Variants in TNRC6A observed in about 807,000 individuals in gnomAD.
TNRC6A encodes trinucleotide repeat containing adaptor 6A.
In TNRC6A, 44 loss-of-function variants were observed where a neutral mutation model predicts 221.2. The observed-to-expected ratio is 0.20, with a 90% CI of 0.16 to 0.26. TNRC6A has a LOEUF of 0.26. Among genes scored for constraint, TNRC6A ranks in the 10% least tolerant of loss-of-function variants. The pLI is 1.00. For missense variants in TNRC6A, 2,199 were observed against 2,404.4 expected (o/e 0.91, Z 1.79); for synonymous variants, 847 against 838.5 (o/e 1.01, Z -0.18).
At position 24,706,576 on chromosome 16, in the gene TNRC6A, C is replaced by T. The variant is rs368097511; in HGVS notation, n.403-44150C>T. On this transcript the variant is annotated intron_variant and non_coding_transcript_variant, in intron 2 of 2. Coordinates refer to the TNRC6A transcript ENST00000566108. The stretch of plus-strand genomic sequence containing the variant: ...AATACAAAAAATAAAATTAGCCGGG[C>T]GTAGTGGCGGGCGCCTGAAGCAGGA... 1.1e-4 allele frequency among the ~76,000 whole-genome samples: 16 copies of T among 150,862 alleles called. No homozygotes were observed. In the East Asian group the frequency reaches 2.7e-3, roughly 26 times the overall value.
At chr16:24,688,149 C>G (rs924549895) in intron 2 of TNRC6A, among the ~76,000 whole-genome samples, 1 of 151,456 alleles carries the variant, frequency 6.6e-6, no homozygotes, top group South Asian at 2.1e-4. Flanking sequence ...CCATGTTAGC[C>G]GGGATGGTCT....
intron 2 of TNRC6A, among the ~76,000 whole-genome samples, chr16:24,748,906 GCT>G (rs994345638): frequency 3.3e-5 from 5 of 151,870 alleles, no homozygotes; most frequent in African/African-American, 1.2e-4. Flanking sequence ...ACAGAGTCTT[GCT>G]CTGTCGCCCA....
At chr16:24,760,781 A>G (rs1209382179) in intron 4 of TNRC6A, among the ~76,000 whole-genome samples, 1 of 152,200 alleles carries the variant, frequency 6.6e-6, no homozygotes, top group Non-Finnish European at 1.5e-5. Flanking sequence ...GAAAGATAGT[A>G]CAGAGACTTC....
intron 11 of TNRC6A, among the ~76,000 whole-genome samples, chr16:24,801,632 T>C (rs1457340571): frequency 6.6e-6 from 1 of 151,332 alleles, no homozygotes; most frequent in Non-Finnish European, 1.5e-5. Context: ...TTCAAGCGAT[T>C]CTCCTGCCTC....
Position 24,789,406 on chromosome 16 carries a change from A to T in TNRC6A, c.764A>T (p.Asp255Val), listed in dbSNP as rs369202043. Residue 255 changes from aspartate to valine, a missense_variant, in exon 6 of 25, where the codon GAT becomes GTT. Asp to Val is a radical substitution (Grantham distance 152). This residue lies in a region of TNRC6A where 1,405 missense variants were observed against 1,400.2 expected (regional missense o/e 1.00). Transcript: ENST00000395799. ...SDPELASECM[D>V]ADSASSSESE... is the part of the protein sequence containing the mutation. ...CCGGAGTTGGCTTCAGAATGTATGG[A>T]TGCTGATTCTGCCTCCAGTTCTGAA... 7.4e-6 allele frequency: 12 copies of T among 1,614,240 alleles called. No individual in the cohort carries two copies. The African/African-American group carries it at 1.5e-4, about 20-fold the overall frequency.
intron 3 of TNRC6A, among the ~76,000 whole-genome samples, chr16:24,757,769 A>C (rs2057283455): frequency 6.6e-6 from 1 of 152,198 alleles, no homozygotes. Context: ...AGAAGTGATA[A>C]ATCAGTTTGA....
At chr16:24,618,699 G>A (rs926948013) in intron 1 of TNRC6A, among the ~76,000 whole-genome samples, 1 of 138,318 alleles carries the variant, frequency 7.2e-6, no homozygotes, top group Admixed American at 7.9e-5. Context: ...CATCCCGGCT[G>A]GAGTACACTG....
Position 24,751,057 on chromosome 16 carries a change from CA to C in TNRC6A, c.141+247del, listed in dbSNP as rs112670234. On this transcript the variant is annotated intron_variant, in intron 3 of 24. Coordinates refer to ENST00000395799, the MANE Select transcript of TNRC6A (RefSeq NM_014494.4). ...GTACATTTTATGGATCTTTATCTTT[CA>C]AATAGCTGTTCCTAGGTGTTTCATA... 7.9e-5 allele frequency among the ~76,000 whole-genome samples: 12 copies of C among 152,194 alleles called. 1 individual carries two copies. The highest frequency in any genetic ancestry group is 2.6e-4 in the African/African-American group (11 of 41,542).
upstream of TNRC6A, among the ~76,000 whole-genome samples, chr16:24,726,017 ATCTG>A (rs956022290): frequency 1.3e-5 from 2 of 151,710 alleles, no homozygotes; most frequent in South Asian, 2.1e-4. Flanking sequence ...AAAAAAACAA[ATCTG>A]TCTGCCTTGC....
chr16:24,794,482 T>C (rs187552540), intron 7 of TNRC6A, 62 bp from the exon 8 acceptor site: 30 of 1,539,170 alleles, frequency 1.9e-5, no homozygotes, highest in Admixed American at 1.2e-4. Flanking sequence ...TATATACTTA[T>C]TCTCCAGAAG....
At chr16:24,727,752 T>A (rs895443580), upstream of TNRC6A, among the ~76,000 whole-genome samples, 2 of 152,222 alleles carry the variant, frequency 1.3e-5, no homozygotes, top group Non-Finnish European at 2.9e-5. Flanking sequence ...TATGTTCATA[T>A]TTTTAAACTC....
rs1168977139 is a variant in TNRC6A at position 24,823,627 on chromosome 16, T to C, written c.5709T>C (p.Ala1903=). The C allele has an allele frequency of 1.2e-6, 2 of 1,614,000 alleles. No homozygotes were observed. Among genetic ancestry groups the C allele is most frequent in the East Asian group, 2.2e-5 (1 of 44,868 alleles). ...CCGATCTCAATCACTGGAATGGTGCTGGGCTGTCGGGAACTAACTGTGGAG... is the reference window on the plus strand; with the variant it reads ...CCGATCTCAATCACTGGAATGGTGCCGGGCTGTCGGGAACTAACTGTGGAG... ...SRTDLNHWNG[A]GLSGTNCGDL... Residue 1903 remains alanine, a synonymous_variant, in exon 25 of 25, where the codon GCT becomes GCC. Coordinates refer to ENST00000395799, the MANE Select transcript of TNRC6A (RefSeq NM_014494.4). This position sits in a 1 kb window ranked among gnomAD's most constrained non-coding sequence, Gnocchi z 4.3.
intron 2 of TNRC6A, among the ~76,000 whole-genome samples, chr16:24,666,489 A>AAT: frequency 6.7e-6 from 1 of 148,194 alleles, no homozygotes; most frequent in South Asian, 2.2e-4. Context: ...AAAAAAAAAA[A>AAT]ATTAGATGGG....
intron 2 of TNRC6A, among the ~76,000 whole-genome samples, chr16:24,732,572 A>G (rs144587376): frequency 6.6e-6 from 1 of 152,216 alleles, no homozygotes; most frequent in Non-Finnish European, 1.5e-5. Flanking sequence ...AGACCATATC[A>G]CTGGTAATTG....
At position 24,805,650 on chromosome 16, in the gene TNRC6A, A is replaced by C. The variant is rs2058415846; in HGVS notation, c.4168A>C (p.Asn1390His). The C allele has an allele frequency of 6.2e-7, 1 of 1,614,104 alleles. No individual in the cohort carries two copies. Among genetic ancestry groups the C allele is most frequent in the South Asian group, 1.1e-5 (1 of 91,090 alleles). The change falls in exon 15 of 25, where the codon AAT (asparagine) becomes CAT (histidine). Residue 1390 changes from asparagine (N) to histidine (H), a missense_variant. Physicochemically the swap from Asn to His is moderately conservative, Grantham distance 68. Coordinates refer to ENST00000395799, the MANE Select transcript of TNRC6A (RefSeq NM_014494.4). ...GTATGCACCAAACAACGGTGGCCTG[A>C]ATCCACTCTTTGGCCCTCAACAGGT... ...LKYAPNNGGL[N>H]PLFGPQQVAM...
chr16:24,659,341 T>C (rs1010486318), intron 2 of TNRC6A, among the ~76,000 whole-genome samples: 3 of 152,110 alleles, frequency 2.0e-5, no homozygotes, highest in Non-Finnish European at 4.4e-5. Context: ...TTATTCAAGA[T>C]GTTGAGAAAT....
intron 2 of TNRC6A, among the ~76,000 whole-genome samples, chr16:24,736,502 T>A (rs1028790472): frequency 6.6e-6 from 1 of 152,226 alleles, no homozygotes; most frequent in Non-Finnish European, 1.5e-5. Context: ...TGTCTGAAGT[T>A]TCTCTTACAT....
intron 21 of TNRC6A, 67 bp downstream of exon 21, chr16:24,818,767 G>T (rs1407008367): frequency 2.5e-6 from 3 of 1,212,846 alleles, no homozygotes; most frequent in African/African-American, 3.0e-5. Context: ...TTGTTTTAAT[G>T]CCCTCTTCTT....
Position 24,730,245 on chromosome 16 carries a change from T to G in TNRC6A, c.6-8T>G. On this transcript the variant is annotated splice_region_variant and splice_polypyrimidine_tract_variant and intron_variant, in intron 1 of 24. Transcript: ENST00000395799. ...TGTTTTGTTTTTGTTTTTGTTTTTT[T>G]GTTTCAGAGAATTGGAAGCTAAAGC... The G allele has an allele frequency of 6.2e-7, 1 of 1,602,204 alleles. No individual in the cohort carries two copies. The highest frequency in any genetic ancestry group is 8.5e-7 in the Non-Finnish European group (1 of 1,176,810).
Sources: gnomAD v4.1 joint callset for allele counts (sites outside exome capture counted in the v4.1 genomes callset) on GRCh38, gnomAD v4.1.1 for gene constraint, gnomAD v4.1.1 regional missense constraint, Gnocchi (gnomAD v3.1) non-coding constraint, MANE v1.5 for transcripts, NCBI Gene and HGNC (gene_info 2026-07-23, HGNC 2026-07-21) for gene names.